The following CEP85L variants were observed in gnomAD, a reference collection of about 807,000 sequenced individuals.
The protein encoded by CEP85L is centrosomal protein of 85 kDa-like.
Under a neutral mutation model 100.3 loss-of-function variants are expected in CEP85L, and 60 were observed. The observed-to-expected ratio is 0.60, with a 90% confidence interval of 0.49 to 0.74. The LOEUF is 0.74. Ranked by LOEUF, CEP85L falls within the 30% of genes least tolerant of loss-of-function variation. The pLI, the probability that CEP85L is intolerant of heterozygous loss-of-function variation, is 0.00. For synonymous variants in CEP85L, 319 were observed against 322.7 expected, an observed-to-expected ratio of 0.99 and a Z score of 0.12; for missense variants, 973 against 936.2, an observed-to-expected ratio of 1.04 and a Z score of -0.51.
Position 118,600,347 on chromosome 6 carries a change from GTGTGTGTGTGTGTGTGTGTGTGT to G in CEP85L, c.232+32083_232+32105del, listed in dbSNP as rs1781709829. On this transcript the variant is annotated intron_variant, in intron 2 of 12. Transcript: ENST00000368491. ...TGTGTGTGTGTGTGTGTGTGTGTGT[GTGTGTGTGTGTGTGTGTGTGTGT>G]AACGCCATGGAGCAATCTCAGCTCA... 2.9e-5 allele frequency among the ~76,000 whole-genome samples: 4 copies of G among 137,090 alleles called. 1 individual carries two copies. Among genetic ancestry groups the G allele is most frequent in the Admixed American group, 1.4e-4 (2 of 13,886 alleles). The allele number at this position is 137,090 out of a possible 152,430, so 89.9% of individuals were successfully genotyped here.
At chr6:118,635,847 C>T (rs923864793) in intron 1 of CEP85L, among the ~76,000 whole-genome samples, 5 of 152,212 alleles carry the variant, frequency 3.3e-5, no homozygotes, top group Non-Finnish European at 7.4e-5. Context: ...TCTCCACTCA[C>T]TCACTTTCTC....
At chr6:118,650,308 C>T (rs1346507903) in intron 1 of CEP85L, among the ~76,000 whole-genome samples, 1 of 152,162 alleles carries the variant, frequency 6.6e-6, no homozygotes, top group African/African-American at 2.4e-5. Context: ...CCTGGAAAGA[C>T]CATCATCTTT....
chr6:118,535,926 T>C (rs1443627213), intron 3 of CEP85L, among the ~76,000 whole-genome samples: 2 of 152,184 alleles, frequency 1.3e-5, no homozygotes, highest in Non-Finnish European at 2.9e-5. Flanking sequence ...ACTCAAATTA[T>C]AGCATTTTAT....
intron 12 of CEP85L, among the ~76,000 whole-genome samples, chr6:118,467,188 A>T (rs528967349): frequency 1.2e-4 from 18 of 152,322 alleles, no homozygotes; most frequent in African/African-American, 3.8e-4. Context: ...TCTGGAGCCC[A>T]GAGGAGATAA....
At chr6:118,472,984 T>C (rs7755056) in intron 10 of CEP85L, among the ~76,000 whole-genome samples, 6,513 of 152,274 alleles carry the variant, frequency 0.043, 158 homozygotes, top group Admixed American at 0.055. Flanking sequence ...GAAAACCAGG[T>C]GTGCCTTAGT....
At chr6:118,470,669 A>G in intron 10 of CEP85L, 25 bp from the exon 11 acceptor site, 2 of 1,363,738 alleles carry the variant, frequency 1.5e-6, no homozygotes, top group East Asian at 4.7e-5. Context: ...AAAATTGGAA[A>G]GCAAAACAGG....
At chr6:118,613,691 A>T (rs1772810981) in intron 2 of CEP85L, among the ~76,000 whole-genome samples, 1 of 135,000 alleles carries the variant, frequency 7.4e-6, no homozygotes, top group Non-Finnish European at 1.5e-5. Context: ...CAGGAGTTGG[A>T]GGTTGTGGTG....
At chr6:118,562,600 T>A (rs1260876771) in intron 3 of CEP85L, among the ~76,000 whole-genome samples, 1 of 152,098 alleles carries the variant, frequency 6.6e-6, no homozygotes, top group Admixed American at 6.6e-5. Context: ...CCTCAAGCTA[T>A]CCACCCCCCA....
At chr6:118,491,187 C>G (rs1313901611) in intron 6 of CEP85L, among the ~76,000 whole-genome samples, 3 of 124,566 alleles carry the variant, frequency 2.4e-5, no homozygotes, top group Non-Finnish European at 3.3e-5. Flanking sequence ...TATTTCATAC[C>G]AACATCTATA....
intron 1 of CEP85L, among the ~76,000 whole-genome samples, chr6:118,650,497 C>T (rs987955286): frequency 1.3e-5 from 2 of 152,172 alleles, no homozygotes; most frequent in African/African-American, 2.4e-5. Context: ...CTTGAAGGGG[C>T]CACGGAAAGC....
chr6:118,488,375 AAATAT>A (rs1774333683), intron 6 of CEP85L, among the ~76,000 whole-genome samples: 1 of 152,142 alleles, frequency 6.6e-6, no homozygotes, highest in African/African-American at 2.4e-5. Context: ...TGGAACTAAA[AAATAT>A]AATAACTGAA....
At chr6:118,682,868 T>C (rs569331743) in intron 1 of CEP85L, among the ~76,000 whole-genome samples, 9 of 152,174 alleles carry the variant, frequency 5.9e-5, no homozygotes, top group African/African-American at 2.2e-4. Context: ...TTTTTAGAGT[T>C]CACAGCCCCA....
intron 1 of CEP85L, among the ~76,000 whole-genome samples, chr6:118,667,961 T>C (rs1583242581): frequency 1.3e-5 from 2 of 152,264 alleles, no homozygotes; most frequent in Non-Finnish European, 2.9e-5. Context: ...TAATCTACTA[T>C]GTTCCTCATA....
At chr6:118,505,692 CA>C (rs1214238065) in intron 5 of CEP85L, among the ~76,000 whole-genome samples, 1 of 152,050 alleles carries the variant, frequency 6.6e-6, no homozygotes, top group East Asian at 1.9e-4. Context: ...CTGGGAAAGG[CA>C]AAACTATAGA....
At position 118,482,032 on chromosome 6, in the gene CEP85L, T is replaced by TA. The variant is rs35791512; in HGVS notation, c.1591-100dup. ...TGGCAAGGATTAACAGACTTGTAGC[T>TA]AAAAAAAAAAAAAAAAAAGAATCAC... On this transcript the variant is annotated intron_variant, in intron 7 of 12. Coordinates refer to ENST00000368491, the MANE Select transcript of CEP85L (RefSeq NM_001042475.3). 2,095 of 355,140 alleles carry TA rather than the reference T, an allele frequency of 5.9e-3. 6 individuals carry two copies. Among genetic ancestry groups the TA allele is most frequent in the Admixed American group, 0.019 (349 of 18,480 alleles). 22.0% of individuals were successfully genotyped at this position (355,140 alleles called of 1,614,324 possible). A position where few individuals can be genotyped will look rare whatever the true frequency, so the allele number is the denominator to read the frequency against.
chr6:118,600,566 C>T (rs1256452820), intron 2 of CEP85L, among the ~76,000 whole-genome samples: 1 of 151,518 alleles, frequency 6.6e-6, no homozygotes, highest in Admixed American at 6.6e-5. Flanking sequence ...AGGTGATCCA[C>T]CCACCTTGGC....
intron 3 of CEP85L, among the ~76,000 whole-genome samples, chr6:118,550,157 G>A (rs893756975): frequency 2.0e-5 from 3 of 151,890 alleles, no homozygotes; most frequent in African/African-American, 4.8e-5. Flanking sequence ...ACTAAAAGGC[G>A]TGACAGCACT....
At chr6:118,549,804 A>G (rs1021406212) in intron 3 of CEP85L, among the ~76,000 whole-genome samples, 3 of 151,882 alleles carry the variant, frequency 2.0e-5, no homozygotes, top group African/African-American at 7.2e-5. Flanking sequence ...GAATTTTGCT[A>G]TATCACATAT....
chr6:118,669,258 T>C (rs189098225), intron 1 of CEP85L, among the ~76,000 whole-genome samples: 352 of 152,320 alleles, frequency 2.3e-3, no homozygotes, highest in African/African-American at 8.2e-3. Flanking sequence ...CATCCTCTGA[T>C]GCGTTTCAGT....
Sources: gnomAD v4.1 joint callset for allele counts (sites outside exome capture counted in the v4.1 genomes callset) on GRCh38, gnomAD v4.1.1 for gene constraint, MANE v1.5 for transcripts, NCBI Gene and HGNC (gene_info 2026-07-23, HGNC 2026-07-21) for gene names.